AGR3: variants seen among roughly 807,000 people sequenced by gnomAD.
The protein encoded by AGR3 is anterior gradient 3, protein disulphide isomerase family member.
A neutral mutation model predicts 24.5 loss-of-function variants in AGR3; 37 were observed. The ratio of observed to expected loss-of-function variants is 1.51; its 90% CI spans 1.16 to 1.99. The LOEUF is 1.99. AGR3 is among the 30% of genes most tolerant of loss of function. AGR3 has a pLI of 0.00. For synonymous variants in AGR3, 75 were observed against 61.6 expected (o/e 1.22, Z -1.02); for missense variants, 228 against 191.1 (o/e 1.19, Z -1.14).
intron 2 of AGR3, among the ~76,000 whole-genome samples, chr7:16,874,793 T>G (rs1183606605): frequency 6.6e-6 from 1 of 152,126 alleles, no homozygotes; most frequent in Non-Finnish European, 1.5e-5. Flanking sequence ...GAAATAAAAT[T>G]CATACGCCAA....
At chr7:16,874,522 A>G (rs555587421) in intron 2 of AGR3, among the ~76,000 whole-genome samples, 1 of 152,284 alleles carries the variant, frequency 6.6e-6, no homozygotes, top group East Asian at 1.9e-4. Flanking sequence ...ATCATCAAGT[A>G]GAAGAATGTG....
At chr7:16,876,076 C>A (rs1781981715) in intron 2 of AGR3, among the ~76,000 whole-genome samples, 1 of 152,186 alleles carries the variant, frequency 6.6e-6, no homozygotes, top group Non-Finnish European at 1.5e-5. Flanking sequence ...GCATAACTTA[C>A]TCCACAAAGC....
chr7:16,864,071 T>G (rs1206272425), intron 3 of AGR3, among the ~76,000 whole-genome samples: 1 of 152,206 alleles, frequency 6.6e-6, no homozygotes, highest in Non-Finnish European at 1.5e-5. Context: ...ATTCAGAGAT[T>G]ACTTGAAAGC....
intron 2 of AGR3, among the ~76,000 whole-genome samples, chr7:16,875,703 G>A (rs921076720): frequency 6.6e-6 from 1 of 151,962 alleles, no homozygotes; most frequent in African/African-American, 2.4e-5. Flanking sequence ...TAAAGTAGAT[G>A]CATCATTTTA....
At chr7:16,860,440 C>A (rs1781618348) in intron 7 of AGR3, 60 bp downstream of exon 7, 3 of 1,290,852 alleles carry the variant, frequency 2.3e-6, no homozygotes, top group South Asian at 1.2e-5. Context: ...TTCACTAGCC[C>A]TTAACAAATA....
At chr7:16,866,395 C>A in intron 3 of AGR3, 1 of 290,082 alleles carries the variant, frequency 3.4e-6, no homozygotes. Flanking sequence ...AGGTAACTGT[C>A]CCTGAAGATG....
At chr7:16,869,315 A>G (rs931073810) in intron 3 of AGR3, among the ~76,000 whole-genome samples, 4 of 152,060 alleles carry the variant, frequency 2.6e-5, no homozygotes, top group Non-Finnish European at 5.9e-5. Context: ...TTCTGTTTAC[A>G]TTTTTTGATT....
intron 3 of AGR3, chr7:16,865,831 T>G: frequency 1.3e-6 from 1 of 745,072 alleles, no homozygotes; most frequent in Non-Finnish European, 2.5e-6. Flanking sequence ...TAATCCACTC[T>G]TGTACTTGAA....
At chr7:16,864,733 G>A (rs1039645152) in intron 3 of AGR3, 71 of 1,445,772 alleles carry the variant, frequency 4.9e-5, no homozygotes, top group Non-Finnish European at 6.2e-5. Context: ...CCACTGCGGT[G>A]TGTGCGAGGG....
chr7:16,861,979 T>G lies in AGR3; in HGVS notation c.303+5A>C. Reference sequence around the variant, plus strand: ...TATTAAGAAAACATCACAAAGTTTATGTACCATAAGGTTTAGCATGATGAA... The same window carrying G: ...TATTAAGAAAACATCACAAAGTTTAGGTACCATAAGGTTTAGCATGATGAA... On this transcript the variant is annotated splice_donor_5th_base_variant and intron_variant, in intron 5 of 7. Coordinates refer to ENST00000310398, the MANE Select transcript of AGR3 (RefSeq NM_176813.5). 6.2e-7 allele frequency: 1 copy of G among 1,602,126 alleles called. No individual in the cohort carries two copies.
chr7:16,859,162 C>T (rs1252577993), downstream of AGR3, among the ~76,000 whole-genome samples: 1 of 151,512 alleles, frequency 6.6e-6, no homozygotes, highest in East Asian at 2.0e-4. Flanking sequence ...CTCTGGCAGG[C>T]CAAGGTTGGA....
At chr7:16,879,379 A>G (rs1782059580) in intron 1 of AGR3, among the ~76,000 whole-genome samples, 1 of 152,214 alleles carries the variant, frequency 6.6e-6, no homozygotes, top group African/African-American at 2.4e-5. Flanking sequence ...CATCTTTTAT[A>G]CTTTGCACGT....
downstream of AGR3, chr7:16,859,292 G>T: frequency 4.5e-6 from 1 of 223,350 alleles, no homozygotes; most frequent in Non-Finnish European, 8.6e-6. Context: ...TGAAGGAGAG[G>T]TGAAGAAATA....
intron 1 of AGR3, among the ~76,000 whole-genome samples, chr7:16,880,373 C>T (rs1007869403): frequency 2.0e-5 from 3 of 151,848 alleles, no homozygotes; most frequent in African/African-American, 7.3e-5. Flanking sequence ...GTTGGCCAGG[C>T]TGATCTCAAA....
chr7:16,861,071 T>C (rs1781632550), intron 6 of AGR3, among the ~76,000 whole-genome samples: 1 of 152,186 alleles, frequency 6.6e-6, no homozygotes, highest in Non-Finnish European at 1.5e-5. Context: ...TTTTCATACA[T>C]GTCAGTTCAT....
Position 16,869,518 on chromosome 7 carries a change from A to G in AGR3, c.173+4262T>C, listed in dbSNP as rs549602735. 3.9e-5 allele frequency among the ~76,000 whole-genome samples: 6 copies of G among 152,160 alleles called. No individual in the cohort carries two copies. In the East Asian group the frequency reaches 7.7e-4, roughly 20 times the overall value. On this transcript the variant is annotated intron_variant, in intron 3 of 7. Transcript: ENST00000310398. ...CAAGGTAGGAGGATTGCTTGAGCTT[A>G]GGAGTTTGAGACTAGTCTGGGCAAC...
chr7:16,878,239 T>C (rs776844505), intron 2 of AGR3, among the ~76,000 whole-genome samples: 1 of 152,184 alleles, frequency 6.6e-6, no homozygotes, highest in African/African-American at 2.4e-5. Context: ...TCTAGGACTC[T>C]GGTTACCAAA....
rs1781631981 is a variant in AGR3 at position 16,861,034 on chromosome 7, GTCAAAC to G, written c.367+344_367+349del. On this transcript the variant is annotated intron_variant, in intron 6 of 7. Coordinates refer to ENST00000310398, the MANE Select transcript of AGR3 (RefSeq NM_176813.5). ...AACCAATTTATAATCTAAAACAAAT[GTCAAAC>G]CAATTTATAAGCAAAATTAGTTTTC... 1.6e-4 allele frequency among the ~76,000 whole-genome samples: 10 copies of G among 62,476 alleles called. No homozygotes were observed. The Admixed American group carries it at 2.0e-3, about 12-fold the overall frequency. The allele number at this position is 62,476 out of a possible 152,430, so 41.0% of individuals were successfully genotyped here.
intron 5 of AGR3, 69 bp from the exon 6 acceptor site, chr7:16,861,516 G>A: frequency 2.3e-6 from 3 of 1,321,420 alleles, no homozygotes; most frequent in South Asian, 2.5e-5. Context: ...AGATGATTTT[G>A]TGTGACTGTC....
Sources: gnomAD v4.1 joint callset for allele counts (sites outside exome capture counted in the v4.1 genomes callset) on GRCh38, gnomAD v4.1.1 for gene constraint, MANE v1.5 for transcripts, NCBI Gene and HGNC (gene_info 2026-07-23, HGNC 2026-07-21) for gene names.